Variants in SLC5A8 observed in about 807,000 individuals in gnomAD.
SLC5A8 encodes solute carrier family 5 member 8.
In SLC5A8, 55 loss-of-function variants were observed where a neutral mutation model predicts 71.9. The observed-to-expected ratio is 0.77, with a 90% confidence interval of 0.62 to 0.96. The LOEUF is 0.96. Among genes scored for constraint, SLC5A8 ranks in the 40% least tolerant of loss-of-function variants. The pLI is 0.00. For missense variants in SLC5A8, 701 were observed against 745.3 expected, an observed-to-expected ratio of 0.94 and a Z score of 0.69; for synonymous variants, 307 against 276.1, an observed-to-expected ratio of 1.11 and a Z score of -1.11.
rs1869861356 is a variant in SLC5A8, at chr12:101,209,957, C to T, written c.-109G>A. 1 of 1,046,196 alleles carries T rather than the reference C, an allele frequency of 9.6e-7. No individual in the cohort carries two copies. Among genetic ancestry groups the T allele is most frequent in the South Asian group, 1.8e-5 (1 of 55,392 alleles). The allele number at this position is 1,046,196 out of a possible 1,614,324, so 64.8% of individuals were successfully genotyped here. ...GATCCCTGGCGCGCAGGCGTGGCGT[C>T]CCGCGGGGACTGGAGGCGTCCTCCA... On this transcript the variant is annotated 5_prime_UTR_variant, in exon 1 of 15. Coordinates refer to ENST00000536262, the MANE Select transcript of SLC5A8 (RefSeq NM_145913.5).
chr12:101,187,056 A>T (rs1868673587), intron 7 of SLC5A8, among the ~76,000 whole-genome samples: 1 of 152,168 alleles, frequency 6.6e-6, no homozygotes, highest in South Asian at 2.1e-4. Flanking sequence ...TCTATAGTAC[A>T]ATGGTTTGTG....
chr12:101,176,151 G>T (rs968081149), intron 10 of SLC5A8, among the ~76,000 whole-genome samples: 5 of 151,816 alleles, frequency 3.3e-5, no homozygotes, highest in African/African-American at 9.7e-5. Context: ...TGAAAAAATG[G>T]AAAAATATAC....
At chr12:101,167,082 C>T (rs1229945146) in intron 11 of SLC5A8, among the ~76,000 whole-genome samples, 1 of 152,142 alleles carries the variant, frequency 6.6e-6, no homozygotes, top group Non-Finnish European at 1.5e-5. Flanking sequence ...TAGTCAGCTA[C>T]AGCTCTTCCG....
intron 10 of SLC5A8, among the ~76,000 whole-genome samples, chr12:101,177,721 A>G (rs1566312515): frequency 6.6e-6 from 1 of 152,142 alleles, no homozygotes; most frequent in South Asian, 2.1e-4. Flanking sequence ...TTGATTACAG[A>G]AAAAGCATTT....
chr12:101,203,190 A>G (rs1869531518), intron 2 of SLC5A8, among the ~76,000 whole-genome samples: 1 of 152,238 alleles, frequency 6.6e-6, no homozygotes, highest in South Asian at 2.1e-4. Flanking sequence ...ACCAGGCTCA[A>G]GTCTCTAAGA....
intron 7 of SLC5A8, 23 bp downstream of exon 7, chr12:101,187,363 G>C: frequency 5.6e-6 from 9 of 1,602,152 alleles, no homozygotes; most frequent in Non-Finnish European, 7.7e-6. Context: ...TAATACACCT[G>C]TAAGAAAGAC....
rs780837325 is a variant in SLC5A8 at position 101,166,581 on chromosome 12, C to A, written c.1439G>T (p.Cys480Phe). The change falls in exon 12 of 15, where the codon TGT (cysteine) becomes TTT (phenylalanine). Residue 480 changes from cysteine (C) to phenylalanine (F), a missense_variant. Coordinates refer to ENST00000536262, the MANE Select transcript of SLC5A8 (RefSeq NM_145913.5). ...TLPLHLDIQGCNSTYNETNLM... is the reference protein window; with the variant it reads ...TLPLHLDIQGFNSTYNETNLM... ...ATTTGTCTCATTGTAGGTGCTGTTA[C>A]AGCCTTGGATATCAAGGTGCAATGG... The A allele has an allele frequency of 2.5e-6, 4 of 1,613,906 alleles. No individual in the cohort carries two copies. In the African/African-American group the frequency reaches 5.3e-5, roughly 22 times the overall value.
chr12:101,171,255 C>G (rs1281419895), intron 10 of SLC5A8, among the ~76,000 whole-genome samples: 1 of 152,140 alleles, frequency 6.6e-6, no homozygotes, highest in East Asian at 1.9e-4. Flanking sequence ...CTGAGGTGAC[C>G]TGGTCTCCTG....
In SLC5A8 at chr12:101,209,511, G is replaced by A; in HGVS notation, c.338C>T (p.Thr113Ile). ...CCTGCCCCTTACCTCGTAGGTGCTG[G>A]TAATTCCCAGTTTGTAGAACACCGG... The part of the protein sequence containing the change: ...FLPVFYKLGI[T>I]STYEYLELRF... Residue 113 changes from threonine (T) to isoleucine (I), a missense_variant, in exon 1 of 15, where the codon ACC (threonine) becomes ATC (isoleucine). Transcript: ENST00000536262. The A allele has an allele frequency of 6.2e-7, 1 of 1,606,166 alleles. No homozygotes were observed. The highest frequency in any genetic ancestry group is 8.5e-7 in the Non-Finnish European group (1 of 1,176,162).
intron 1 of SLC5A8, among the ~76,000 whole-genome samples, chr12:101,207,639 A>G (rs538264749): frequency 2.0e-5 from 3 of 152,266 alleles, no homozygotes; most frequent in African/African-American, 7.2e-5. Context: ...TCCTCCTGCC[A>G]GATTCTTCAA....
rs567243147 is a variant in SLC5A8, at chr12:101,156,260, C to T, written c.*1019G>A. 1 of 152,200 alleles carries T rather than the reference C, an allele frequency of 6.6e-6. No individual in the cohort carries two copies. Among genetic ancestry groups the T allele is most frequent in the African/African-American group, 2.4e-5 (1 of 41,514 alleles). 9.4% of individuals were successfully genotyped at this position (152,200 alleles called of 1,614,324 possible). On this transcript the variant is annotated 3_prime_UTR_variant, in exon 15 of 15. Transcript: ENST00000536262. Reference sequence around the variant, plus strand: ...AATTGATTGCAAATTAGTTGACATTCAAAAGTTCAACTTAATAGCATTAAG... The same window carrying T: ...AATTGATTGCAAATTAGTTGACATTTAAAAGTTCAACTTAATAGCATTAAG...
intron 5 of SLC5A8, among the ~76,000 whole-genome samples, chr12:101,193,403 A>G (rs553071713): frequency 6.6e-6 from 1 of 152,310 alleles, no homozygotes; most frequent in African/African-American, 2.4e-5. Flanking sequence ...AGAAGGAAAC[A>G]TTGCTCTAAG....
chr12:101,186,535 C>T (rs1241870752), intron 7 of SLC5A8, among the ~76,000 whole-genome samples: 2 of 152,136 alleles, frequency 1.3e-5, no homozygotes, highest in Non-Finnish European at 2.9e-5. Flanking sequence ...AATTCTAGTT[C>T]CCCTTTTTGA....
At chr12:101,204,671 A>C (rs1869604502) in intron 1 of SLC5A8, 106 bp from the exon 2 acceptor site, 2 of 700,626 alleles carry the variant, frequency 2.9e-6, no homozygotes, top group East Asian at 5.5e-5. Flanking sequence ...TTCATAACTG[A>C]TTTGTATTCT....
At chr12:101,158,806 C>CTGCTTT (rs2051699578) in intron 13 of SLC5A8, among the ~76,000 whole-genome samples, 1 of 150,844 alleles carries the variant, frequency 6.6e-6, no homozygotes, top group South Asian at 2.1e-4. Flanking sequence ...GACAGTGGAG[C>CTGCTTT]TGCTTTTCCC....
intron 8 of SLC5A8, 119 bp from the exon 9 acceptor site, chr12:101,183,034 GC>G: frequency 3.3e-5 from 4 of 120,516 alleles, no homozygotes; most frequent in South Asian, 2.4e-4. Flanking sequence ...TTTCTACTAT[GC>G]TTTTTTTTTT....
intron 4 of SLC5A8, among the ~76,000 whole-genome samples, chr12:101,194,652 T>C (rs1381017650): frequency 6.6e-6 from 1 of 152,058 alleles, no homozygotes; most frequent in Non-Finnish European, 1.5e-5. Flanking sequence ...TTTTTTTTGT[T>C]TTTTTGTAGA....
chr12:101,194,951 C>T, intron 4 of SLC5A8, 144 bp downstream of exon 4: 2 of 714,160 alleles, frequency 2.8e-6, no homozygotes, highest in South Asian at 3.8e-5. Flanking sequence ...CAGATTATTT[C>T]TCACACAAAA....
At chr12:101,179,909 C>T (rs1207765452) in intron 10 of SLC5A8, 120 bp downstream of exon 10, 2 of 1,009,330 alleles carry the variant, frequency 2.0e-6, no homozygotes, top group Non-Finnish European at 3.0e-6. Flanking sequence ...GTAGTCATCC[C>T]TGCCACTTGA....
Sources: allele counts gnomAD v4.1 joint callset (sites outside exome capture counted in the v4.1 genomes callset), GRCh38; gene constraint gnomAD v4.1.1; transcripts MANE v1.5; gene names NCBI Gene and HGNC (gene_info 2026-07-23, HGNC 2026-07-21).